The following PTPRD variants were observed in gnomAD, a reference collection of about 807,000 sequenced individuals.
The protein encoded by PTPRD is receptor-type tyrosine-protein phosphatase delta.
PTPRD carries 34 observed loss-of-function variants against 214.5 expected under a neutral mutation model. The observed-to-expected ratio is 0.16, with a 90% CI of 0.12 to 0.21. The LOEUF is 0.21. Among genes scored for constraint, PTPRD ranks in the 10% least tolerant of loss-of-function variants. PTPRD has a pLI of 1.00. For synonymous variants in PTPRD, 1,128 were observed against 845.7 expected (o/e 1.33, Z -5.79); for missense variants, 2,545 against 2,398.7 (o/e 1.06, Z -1.27).
chr9:9,973,948 G>A (rs937640995), intron 4 of PTPRD, among the ~76,000 whole-genome samples: 1 of 152,088 alleles, frequency 6.6e-6, no homozygotes. Context: ...ACATTGATTT[G>A]ATATTTTTAA....
At chr9:8,359,903 C>T (rs1439972774) in intron 39 of PTPRD, among the ~76,000 whole-genome samples, 1 of 152,274 alleles carries the variant, frequency 6.6e-6, no homozygotes, top group Non-Finnish European at 1.5e-5. Context: ...ATCTGACTTC[C>T]ATTTAACCAA....
In PTPRD at chr9:9,354,741, G is replaced by T. The variant is rs145463282; in HGVS notation, c.-203+42708C>A. On this transcript the variant is annotated intron_variant, in intron 9 of 45. Coordinates refer to ENST00000381196, the MANE Select transcript of PTPRD (RefSeq NM_002839.4). ...GATTTGAAGTATCAGCAAGGGATTA[G>T]GTAAGTAAGATAGCATGAAGTGGGG... Among the ~76,000 whole-genome samples the T allele has an allele frequency of 4.4e-3, 666 of 151,880 alleles. 15 individuals carry two copies. The highest frequency in any genetic ancestry group is 0.035 in the Admixed American group (531 of 15,188).
At chr9:9,684,422 C>A (rs917456820) in intron 7 of PTPRD, among the ~76,000 whole-genome samples, 3 of 151,438 alleles carry the variant, frequency 2.0e-5, no homozygotes, top group African/African-American at 7.3e-5. Flanking sequence ...CAGATTAGTT[C>A]GACTCTAAAA....
chr9:9,099,448 A>T (rs976505944), intron 10 of PTPRD, among the ~76,000 whole-genome samples: 7 of 152,060 alleles, frequency 4.6e-5, no homozygotes, highest in Admixed American at 3.3e-4. Context: ...CAGTCTTAGG[A>T]TTTAGAGATT....
intron 7 of PTPRD, among the ~76,000 whole-genome samples, chr9:9,660,196 C>T (rs971186144): frequency 1.3e-5 from 2 of 151,852 alleles, no homozygotes; most frequent in African/African-American, 4.8e-5. Context: ...GATAAAGAAA[C>T]ACCTGGGCAT....
intron 12 of PTPRD, among the ~76,000 whole-genome samples, chr9:8,640,723 G>A (rs576337012): frequency 5.1e-4 from 77 of 149,726 alleles, no homozygotes; most frequent in South Asian, 3.2e-3. Context: ...GAAAGACATC[G>A]GCCTCACTGA....
At chr9:8,626,781 G>C (rs1019357274) in intron 14 of PTPRD, among the ~76,000 whole-genome samples, 76 of 151,746 alleles carry the variant, frequency 5.0e-4, no homozygotes, top group African/African-American at 1.7e-3. Context: ...TCTTCAGCTT[G>C]CCAGCCTGTG....
At chr9:9,570,620 C>A (rs2086071682) in intron 8 of PTPRD, among the ~76,000 whole-genome samples, 2 of 151,504 alleles carry the variant, frequency 1.3e-5, no homozygotes, top group Non-Finnish European at 3.0e-5. Context: ...TACTTAAAGT[C>A]TTAGAACCAA....
chr9:10,421,621 A>G (rs2098546537), intron 2 of PTPRD, among the ~76,000 whole-genome samples: 1 of 151,908 alleles, frequency 6.6e-6, no homozygotes, highest in Admixed American at 6.6e-5. Context: ...TCTACAAAGC[A>G]TTGCATACCA....
chr9:8,765,097 C>A (rs568591442), intron 11 of PTPRD, among the ~76,000 whole-genome samples: 1 of 151,980 alleles, frequency 6.6e-6, no homozygotes, highest in African/African-American at 2.4e-5. Context: ...TGAAATAAAA[C>A]GCCCTTTGAG....
chr9:9,415,409 G>A (rs1351066157), intron 8 of PTPRD, among the ~76,000 whole-genome samples: 1 of 152,064 alleles, frequency 6.6e-6, no homozygotes, highest in African/African-American at 2.4e-5. Context: ...TAGAAACAGA[G>A]GTTTCAGTGA....
intron 30 of PTPRD, among the ~76,000 whole-genome samples, chr9:8,472,604 A>G (rs1037080505): frequency 6.6e-6 from 1 of 152,214 alleles, no homozygotes; most frequent in Non-Finnish European, 1.5e-5. Flanking sequence ...TGTAAAAGAC[A>G]TATTGCATTT....
chr9:9,307,556 T>C (rs1957521481), intron 9 of PTPRD, among the ~76,000 whole-genome samples: 1 of 152,160 alleles, frequency 6.6e-6, no homozygotes, highest in South Asian at 2.1e-4. Context: ...ACTAATCTCA[T>C]GTCTTTGCCT....
At chr9:9,414,218 T>C (rs2076337913) in intron 8 of PTPRD, among the ~76,000 whole-genome samples, 1 of 152,236 alleles carries the variant, frequency 6.6e-6, no homozygotes, top group Admixed American at 6.5e-5. Context: ...TTGAATTCCA[T>C]CTGATGAAGA....
chr9:9,452,188 A>G (rs1431552827), intron 8 of PTPRD, among the ~76,000 whole-genome samples: 2 of 151,468 alleles, frequency 1.3e-5, no homozygotes, highest in Admixed American at 1.3e-4. Context: ...TCAACTTAAG[A>G]TGTGTCATTT....
intron 10 of PTPRD, among the ~76,000 whole-genome samples, chr9:9,138,982 T>A (rs1320821248): frequency 6.6e-6 from 1 of 152,132 alleles, no homozygotes; most frequent in Non-Finnish European, 1.5e-5. Flanking sequence ...ATTAAGGTAT[T>A]ATATTTACTT....
chr9:8,639,257 T>G (rs1268413230), intron 12 of PTPRD, among the ~76,000 whole-genome samples: 1 of 152,268 alleles, frequency 6.6e-6, no homozygotes, highest in African/African-American at 2.4e-5. Flanking sequence ...ATCTTTCTGC[T>G]GTTTCAAACA....
intron 3 of PTPRD, among the ~76,000 whole-genome samples, chr9:10,159,615 A>G (rs1354153708): frequency 6.6e-6 from 1 of 152,112 alleles, no homozygotes; most frequent in Non-Finnish European, 1.5e-5. Flanking sequence ...CCCAGATAAC[A>G]TAGAAAAATA....
intron 2 of PTPRD, among the ~76,000 whole-genome samples, chr9:10,522,389 T>G (rs554165911): frequency 6.6e-6 from 1 of 152,252 alleles, no homozygotes; most frequent in African/African-American, 2.4e-5. Flanking sequence ...GCACAAAGCT[T>G]TTGAGAGGTG....
Sources: gnomAD v4.1 joint callset for allele counts (sites outside exome capture counted in the v4.1 genomes callset) on GRCh38, gnomAD v4.1.1 for gene constraint, MANE v1.5 for transcripts, NCBI Gene and HGNC (gene_info 2026-07-23, HGNC 2026-07-21) for gene names.